Variants in ZNF114 observed in about 807,000 individuals in gnomAD.
ZNF114 encodes zinc finger protein 114, also known as zinc finger protein 114 (Y18).
Under a neutral mutation model 6.8 loss-of-function variants are expected in ZNF114, and 8 were observed. The ratio of observed to expected loss-of-function variants is 1.18; its 90% CI spans 0.69 to 2.13. ZNF114 has a LOEUF of 2.13. Among genes scored for constraint, ZNF114 ranks in the 30% most tolerant of loss-of-function variants. The pLI is 0.00. For synonymous variants in ZNF114, 169 were observed against 185.5 expected, an observed-to-expected ratio of 0.91 and a Z score of 0.72; for missense variants, 472 against 519.5, an observed-to-expected ratio of 0.91 and a Z score of 0.89.
intron 4 of ZNF114, among the ~76,000 whole-genome samples, chr19:48,281,172 G>A (rs371643408): frequency 6.6e-6 from 1 of 152,262 alleles, no homozygotes; most frequent in East Asian, 1.9e-4. Context: ...TCATACGACC[G>A]GACGTCAGTC....
At chr19:48,277,018 C>A (rs966413928) in intron 3 of ZNF114, among the ~76,000 whole-genome samples, 5 of 152,090 alleles carry the variant, frequency 3.3e-5, no homozygotes, top group Non-Finnish European at 7.4e-5. Flanking sequence ...ATTAGCTGGG[C>A]GTGGTGGCCC....
Position 48,286,954 on chromosome 19 carries a change from A to C in ZNF114, c.*76A>C. 2.3e-5 allele frequency: 34 copies of C among 1,458,612 alleles called. No individual in the cohort carries two copies. Among genetic ancestry groups the C allele is most frequent in the Non-Finnish European group, 2.9e-5 (32 of 1,093,302 alleles). 90.4% of individuals were successfully genotyped at this position (1,458,612 alleles called of 1,614,324 possible). ...AGGAGGACATATTGGAAGGGAGCTC[A>C]AGGGGTTAGCATGAGTGAGAACATC... On this transcript the variant is annotated 3_prime_UTR_variant, in exon 6 of 6. Transcript: ENST00000595607.
Position 48,286,034 on chromosome 19 carries a change from G to A in ZNF114, c.410G>A (p.Arg137Lys), listed in dbSNP as rs1208511788. The change falls in exon 6 of 6, where the codon AGG becomes AAG. Residue 137 changes from arginine (R) to lysine (K), a missense_variant. Arg to Lys is a conservative substitution (Grantham distance 26). Coordinates refer to ENST00000595607, the MANE Select transcript of ZNF114 (RefSeq NM_153608.4). Reference sequence around the variant, plus strand: ...AGGAACCACTCTAAACCTACCTGCAGGCTTGTGCCTTCACAGGGAGATTCC... The same window carrying A: ...AGGAACCACTCTAAACCTACCTGCAAGCTTGTGCCTTCACAGGGAGATTCC... ...EMRNHSKPTC[R>K]LVPSQGDSIR... is the part of the protein sequence containing the mutation. The A allele has an allele frequency of 6.2e-7, 1 of 1,613,988 alleles. No individual in the cohort carries two copies.
Position 48,286,439 on chromosome 19 carries a change from C to G in ZNF114, c.815C>G (p.Ala272Gly), listed in dbSNP as rs767926904. 3.2e-5 allele frequency: 52 copies of G among 1,614,098 alleles called. No individual in the cohort carries two copies. The highest frequency in any genetic ancestry group is 4.3e-5 in the Non-Finnish European group (51 of 1,180,050). ...GCCATGCAGATGCAGTTGTATACCG[C>G]AGAGACAAACAAGAAGGATTGTCAA... ...IHAMQMQLYT[A>G]ETNKKDCQTG... The change falls in exon 6 of 6, where the codon GCA (alanine) becomes GGA (glycine). Residue 272 changes from alanine to glycine, a missense_variant. Physicochemically the swap from Ala to Gly is moderately conservative, Grantham distance 60 (BLOSUM62 0). Coordinates refer to ENST00000595607, the MANE Select transcript of ZNF114 (RefSeq NM_153608.4).
rs113492539 is a variant in ZNF114 at position 48,276,799 on chromosome 19, T to C, written c.-69-2932T>C. Among the ~76,000 whole-genome samples, 11 of 152,346 alleles carry C rather than the reference T, an allele frequency of 7.2e-5. 1 individual carries two copies. The highest frequency in any genetic ancestry group is 2.6e-4 in the African/African-American group (11 of 41,590). The stretch of plus-strand genomic sequence containing the variant: ...TCAGCCTCCCAACATGCTGGGATTA[T>C]AGGTGTGAACCACCCAGCCCAGCCC... On this transcript the variant is annotated intron_variant, in intron 3 of 5. Coordinates refer to ENST00000595607, the MANE Select transcript of ZNF114 (RefSeq NM_153608.4).
chr19:48,282,749 A>G (rs999575866), intron 5 of ZNF114, among the ~76,000 whole-genome samples: 3 of 151,510 alleles, frequency 2.0e-5, no homozygotes, highest in African/African-American at 7.3e-5. Flanking sequence ...GTCTCACTCT[A>G]TCTCCCAGGC....
In ZNF114 at chr19:48,278,226, G is replaced by A. The variant is rs554545423; in HGVS notation, c.-69-1505G>A. On this transcript the variant is annotated intron_variant, in intron 3 of 5. Transcript: ENST00000595607. ...CTTGGGATTACAGGCTTGAGCCAACGCGCCCGGCCCAATTCACCTTCTTAA... is the reference window on the plus strand; with the variant it reads ...CTTGGGATTACAGGCTTGAGCCAACACGCCCGGCCCAATTCACCTTCTTAA... Among the ~76,000 whole-genome samples, 9 of 152,246 alleles carry A rather than the reference G, an allele frequency of 5.9e-5. No homozygotes were observed. The East Asian group carries it at 7.7e-4, about 13-fold the overall frequency.
At chr19:48,273,423 T>G (rs1967730711) in intron 3 of ZNF114, among the ~76,000 whole-genome samples, 1 of 85,476 alleles carries the variant, frequency 1.2e-5, no homozygotes, top group Admixed American at 1.1e-4. Flanking sequence ...TTTCTTTTCT[T>G]TTCTGTTTTT....
intron 3 of ZNF114, among the ~76,000 whole-genome samples, chr19:48,276,172 C>G (rs1305753038): frequency 6.7e-6 from 1 of 148,308 alleles, no homozygotes; most frequent in African/African-American, 2.5e-5. Context: ...CTCCGCCTCC[C>G]AGGTTCAAGT....
chr19:48,272,807 T>C (rs1205354094), intron 3 of ZNF114, among the ~76,000 whole-genome samples: 1 of 142,564 alleles, frequency 7.0e-6, no homozygotes, highest in Non-Finnish European at 1.5e-5. Context: ...TTTTTTTTTT[T>C]TTTTTTGAGA....
chr19:48,270,391 CAGAAAAAAAAAA>C (rs1311544497), intron 1 of ZNF114, among the ~76,000 whole-genome samples, 172 bp downstream of exon 1: 1 of 61,896 alleles, frequency 1.6e-5, no homozygotes, highest in Non-Finnish European at 3.1e-5. Flanking sequence ...GAACTTGTCT[CAGAAAAAAAAAA>C]AGAAAAAAAG....
chr19:48,275,144 AAAAG>A (rs966260107), intron 3 of ZNF114, among the ~76,000 whole-genome samples: 24 of 149,308 alleles, frequency 1.6e-4, no homozygotes, highest in Admixed American at 9.3e-4. Context: ...CCTGTCTCAA[AAAAG>A]AAAGAAAGAG....
intron 3 of ZNF114, among the ~76,000 whole-genome samples, chr19:48,277,019 G>A (rs977755103): frequency 3.9e-4 from 60 of 152,246 alleles, no homozygotes; most frequent in Non-Finnish European, 6.8e-4. Flanking sequence ...TTAGCTGGGC[G>A]TGGTGGCCCA....
At chr19:48,280,523 GGACTGA>G in intron 4 of ZNF114, among the ~76,000 whole-genome samples, 2 of 151,768 alleles carry the variant, frequency 1.3e-5, no homozygotes, top group South Asian at 4.2e-4. Context: ...GACAAGCAGT[GGACTGA>G]GACGTGCCCC....
intron 5 of ZNF114, among the ~76,000 whole-genome samples, chr19:48,284,672 C>A (rs898350213): frequency 6.6e-6 from 1 of 152,202 alleles, no homozygotes; most frequent in East Asian, 1.9e-4. Context: ...CTCTGGTGAT[C>A]CACCCACTTC....
chr19:48,272,090 A>G (rs1967673723), intron 3 of ZNF114, among the ~76,000 whole-genome samples: 1 of 152,170 alleles, frequency 6.6e-6, no homozygotes, highest in Non-Finnish European at 1.5e-5. Context: ...CAGCGGTTGC[A>G]GGGGTTGTGT....
intron 1 of ZNF114, among the ~76,000 whole-genome samples, chr19:48,270,626 G>C (rs1308170765): frequency 7.0e-6 from 1 of 142,944 alleles, no homozygotes; most frequent in South Asian, 2.3e-4. Context: ...GGGAGGGAGG[G>C]AGAAAAGGAG....
chr19:48,277,964 G>C (rs532038719), intron 3 of ZNF114, among the ~76,000 whole-genome samples: 1 of 151,336 alleles, frequency 6.6e-6, no homozygotes, highest in East Asian at 1.9e-4. Context: ...ACAGAGTCTC[G>C]CTCTGTTGCC....
At chr19:48,270,617 G>T (rs8101570) in intron 1 of ZNF114, among the ~76,000 whole-genome samples, 4 of 142,228 alleles carry the variant, frequency 2.8e-5, no homozygotes, top group African/African-American at 1.1e-4. Context: ...AGGGAGGAAG[G>T]GAGGGAGGGA....
Sources: allele counts gnomAD v4.1 joint callset (sites outside exome capture counted in the v4.1 genomes callset), GRCh38; gene constraint gnomAD v4.1.1; transcripts MANE v1.5; gene names NCBI Gene and HGNC (gene_info 2026-07-23, HGNC 2026-07-21).